ADAM12: variants seen among roughly 807,000 people sequenced by gnomAD.
ADAM12 encodes ADAM metallopeptidase domain 12.
ADAM12 carries 70 observed loss-of-function variants against 106.4 expected under a neutral mutation model. The ratio of observed to expected loss-of-function variants is 0.66; its 90% CI spans 0.54 to 0.80. ADAM12 has a LOEUF of 0.80. Ranked by LOEUF, ADAM12 falls within the 30% of genes least tolerant of loss-of-function variation. The probability of loss-of-function intolerance (pLI) is 0.00; values close to 1 mark genes in which losing one functional copy is unlikely to be tolerated. For missense variants in ADAM12, 1,010 were observed against 1,171.9 expected (o/e 0.86, Z 2.02); for synonymous variants, 420 against 433.5 (o/e 0.97, Z 0.39).
intron 4 of ADAM12, among the ~76,000 whole-genome samples, chr10:126,143,071 G>A (rs1956546774): frequency 6.8e-6 from 1 of 147,542 alleles, no homozygotes; most frequent in Non-Finnish European, 1.5e-5. Flanking sequence ...ATGTGCATAT[G>A]TGTGCATGTG....
At chr10:126,317,712 T>C (rs964711453) in intron 2 of ADAM12, among the ~76,000 whole-genome samples, 1 of 152,172 alleles carries the variant, frequency 6.6e-6, no homozygotes, top group African/African-American at 2.4e-5. Flanking sequence ...TGTCTATAGG[T>C]ACATCCATAA....
chr10:126,066,832 G>A lies in ADAM12; in HGVS notation c.1324-26C>T, dbSNP rs1247375348. On this transcript the variant is annotated intron_variant, in intron 12 of 22. Transcript: ENST00000448723. The surrounding 1 kb of genome is among the most constrained non-coding windows in gnomAD (Gnocchi z 5.1). ...CTGGAAAGGGGAATGGCATTTGTTT[G>A]ACAGGGTCTTATGGAGTATGCACTC... The A allele has an allele frequency of 4.4e-6, 7 of 1,602,002 alleles. No individual in the cohort carries two copies. The South Asian group carries it at 4.4e-5, about 10-fold the overall frequency.
At chr10:126,353,736 C>T (rs1034966432) in intron 1 of ADAM12, among the ~76,000 whole-genome samples, 1 of 152,182 alleles carries the variant, frequency 6.6e-6, no homozygotes, top group South Asian at 2.1e-4. Flanking sequence ...CCTGGTCCTG[C>T]TCATGTATCT....
intron 6 of ADAM12, among the ~76,000 whole-genome samples, chr10:126,110,432 A>G (rs1179148427): frequency 6.6e-6 from 1 of 152,142 alleles, no homozygotes. Flanking sequence ...GTCTGGAGAA[A>G]AGGAAACTGT....
At chr10:126,256,246 T>C (rs1191578469) in intron 3 of ADAM12, among the ~76,000 whole-genome samples, 1 of 152,150 alleles carries the variant, frequency 6.6e-6, no homozygotes, top group Non-Finnish European at 1.5e-5. Context: ...AACGCTTAGT[T>C]TGTGAATGAA....
chr10:126,060,817 A>T (rs1344568273), intron 14 of ADAM12, among the ~76,000 whole-genome samples: 1 of 152,170 alleles, frequency 6.6e-6, no homozygotes, highest in Non-Finnish European at 1.5e-5. Context: ...GTGCACAGGG[A>T]CTGTGGGAAG....
intron 2 of ADAM12, among the ~76,000 whole-genome samples, chr10:126,324,754 G>A (rs777935400): frequency 2.6e-5 from 4 of 152,112 alleles, no homozygotes; most frequent in African/African-American, 7.2e-5. Context: ...CAGAGTCTAC[G>A]TTGGGGGACA....
Position 126,388,365 on chromosome 10 carries a change from C to T in ADAM12, c.-220G>A. On this transcript the variant is annotated 5_prime_UTR_variant, in exon 1 of 23. Transcript: ENST00000448723. The surrounding 1 kb of genome is among the most constrained non-coding windows in gnomAD (Gnocchi z 4.4). Reference sequence around the variant, plus strand: ...CCGTGTGTGTGCGTGCGTGCGCGCGCGCGCGCCGTTCTGGCACAAGCCAGC... The same window carrying T: ...CCGTGTGTGTGCGTGCGTGCGCGCGTGCGCGCCGTTCTGGCACAAGCCAGC... 1.7e-6 allele frequency: 1 copy of T among 580,094 alleles called. No homozygotes were observed. The highest frequency in any genetic ancestry group is 2.4e-6 in the Non-Finnish European group (1 of 413,170). The allele number at this position is 580,094 out of a possible 1,614,324, so 35.9% of individuals were successfully genotyped here. A position where few individuals can be genotyped will look rare whatever the true frequency, so the allele number is the denominator to read the frequency against.
chr10:126,028,797 T>A (rs937720752), intron 21 of ADAM12, among the ~76,000 whole-genome samples: 3 of 151,920 alleles, frequency 2.0e-5, no homozygotes, highest in African/African-American at 7.3e-5. Context: ...GGGATCTAAT[T>A]AAAGAGTGTC....
At chr10:126,185,384 T>A (rs1049419007) in intron 3 of ADAM12, among the ~76,000 whole-genome samples, 1 of 152,190 alleles carries the variant, frequency 6.6e-6, no homozygotes, top group Non-Finnish European at 1.5e-5. Flanking sequence ...ACTCTGATCA[T>A]CTTAGAGGGG....
rs1564987944 is a variant in ADAM12, at chr10:126,016,121, T to TA, written c.*1157dup. ...CAAGTTGGAAAAAGAGGATGCCCCA[T>TA]AGAGAAGGTTCTTTGTCCAATATCT... On this transcript the variant is annotated 3_prime_UTR_variant, in exon 23 of 23. Coordinates refer to ENST00000448723, the MANE Select transcript of ADAM12 (RefSeq NM_001288973.2). 6.6e-6 allele frequency: 1 copy of TA among 152,172 alleles called. No individual in the cohort carries two copies. The highest frequency in any genetic ancestry group is 1.5e-5 in the Non-Finnish European group (1 of 68,032). 9.4% of individuals were successfully genotyped at this position (152,172 alleles called of 1,614,324 possible).
chr10:126,071,354 A>T, intron 12 of ADAM12, 123 bp downstream of exon 12: 1 of 1,201,480 alleles, frequency 8.3e-7, no homozygotes, highest in Non-Finnish European at 1.2e-6. Flanking sequence ...ATGGGCAGAT[A>T]GGACTCTTCC....
At chr10:126,345,020 T>C (rs1855082593) in intron 1 of ADAM12, among the ~76,000 whole-genome samples, 1 of 152,176 alleles carries the variant, frequency 6.6e-6, no homozygotes, top group Non-Finnish European at 1.5e-5. Flanking sequence ...TTTATTTCTT[T>C]CTCCTGCCTG....
At chr10:126,023,243 C>T (rs1448668410) in intron 21 of ADAM12, among the ~76,000 whole-genome samples, 2 of 152,062 alleles carry the variant, frequency 1.3e-5, no homozygotes, top group African/African-American at 4.8e-5. Context: ...ATGTCGTAAA[C>T]CCTAATGTAG....
intron 2 of ADAM12, among the ~76,000 whole-genome samples, chr10:126,325,664 T>G (rs546475855): frequency 3.3e-5 from 5 of 152,204 alleles, no homozygotes; most frequent in Admixed American, 2.6e-4. Flanking sequence ...TCCTGAAGTA[T>G]TCAAAGGCCG....
At position 126,019,721 on chromosome 10, in the gene ADAM12, C is replaced by G. The variant is rs1252226460; in HGVS notation, c.2634G>C (p.Glu878Asp). 2 of 1,614,064 alleles carry G rather than the reference C, an allele frequency of 1.2e-6. No homozygotes were observed. Among genetic ancestry groups the G allele is most frequent in the South Asian group, 1.1e-5 (1 of 91,050 alleles). Residue 878 changes from glutamate to aspartate, a missense_variant, in exon 22 of 23, where the codon GAG (glutamate) becomes GAC (aspartate). This residue lies in a region of ADAM12 where 615 missense variants were observed against 708.5 expected (regional missense o/e 0.87). Transcript: ENST00000448723. ...HALARTPGQW[E>D]TGLRLAPLRP... Reference sequence around the variant, plus strand: ...TGAGGGGTGCCAGGCGGAGCCCAGTCTCCCATTGTCCTGGGGTCCTGGCCA... The same window carrying G: ...TGAGGGGTGCCAGGCGGAGCCCAGTGTCCCATTGTCCTGGGGTCCTGGCCA...
chr10:126,170,624 A>T (rs952273887), intron 3 of ADAM12, among the ~76,000 whole-genome samples: 1 of 152,172 alleles, frequency 6.6e-6, no homozygotes, highest in Non-Finnish European at 1.5e-5. Flanking sequence ...CCTGCAACAG[A>T]GCTGTTAGAA....
chr10:126,377,157 G>A (rs949942988), intron 1 of ADAM12, among the ~76,000 whole-genome samples: 4 of 152,190 alleles, frequency 2.6e-5, no homozygotes, highest in African/African-American at 9.7e-5. Context: ...AGGTGGCAGA[G>A]CTGATCTGCA....
In ADAM12 at chr10:126,064,562, C is replaced by T; in HGVS notation, c.1609+244G>A. On this transcript the variant is annotated intron_variant, in intron 14 of 22. Transcript: ENST00000448723. This position sits in a 1 kb window ranked among gnomAD's most constrained non-coding sequence, Gnocchi z 4.4. ...CGCACAGTAGGTGCTCCTGCAGCTCCTGTTGGACCGCACTGAGCTTCTTAA... is the reference window on the plus strand; with the variant it reads ...CGCACAGTAGGTGCTCCTGCAGCTCTTGTTGGACCGCACTGAGCTTCTTAA... 2.2e-6 allele frequency: 1 copy of T among 452,868 alleles called. No individual in the cohort carries two copies. The highest frequency in any genetic ancestry group is 3.7e-5 in the East Asian group (1 of 27,146). The allele number at this position is 452,868 out of a possible 1,614,324, so 28.1% of individuals were successfully genotyped here.
Sources: gnomAD v4.1 joint callset for allele counts (sites outside exome capture counted in the v4.1 genomes callset) on GRCh38, gnomAD v4.1.1 for gene constraint, gnomAD v4.1.1 regional missense constraint, Gnocchi (gnomAD v3.1) non-coding constraint, MANE v1.5 for transcripts, NCBI Gene and HGNC (gene_info 2026-07-23, HGNC 2026-07-21) for gene names.